AFF3: variants seen among roughly 807,000 people sequenced by gnomAD.
AFF3 encodes the protein ALF transcription elongation factor 3.
In AFF3, 32 loss-of-function variants were observed where a neutral mutation model predicts 129.7. The ratio of observed to expected loss-of-function variants is 0.25; its 90% CI spans 0.19 to 0.33. The LOEUF is 0.33. Ranked by LOEUF, AFF3 falls within the 10% of genes least tolerant of loss-of-function variation. The pLI is 1.00. For missense variants in AFF3, 1,373 were observed against 1,592.0 expected (o/e 0.86, Z 2.34); for synonymous variants, 644 against 635.4 (o/e 1.01, Z -0.20).
intron 10 of AFF3, among the ~76,000 whole-genome samples, chr2:99,730,709 T>C (rs1170800900): frequency 6.6e-6 from 1 of 151,932 alleles, no homozygotes; most frequent in African/African-American, 2.4e-5. Flanking sequence ...GAGACGAGGT[T>C]TCACCATATT....
intron 8 of AFF3, among the ~76,000 whole-genome samples, chr2:99,761,408 C>T (rs1180472090): frequency 1.3e-5 from 2 of 152,116 alleles, no homozygotes; most frequent in African/African-American, 2.4e-5. Context: ...GCAAGACTGA[C>T]GCCAGTCTCC....
At chr2:99,934,195 G>A (rs1191053695) in intron 7 of AFF3, among the ~76,000 whole-genome samples, 2 of 152,156 alleles carry the variant, frequency 1.3e-5, no homozygotes, top group African/African-American at 2.4e-5. Flanking sequence ...CCATGTGCCT[G>A]GTGGGAGTAG....
chr2:100,119,062 G>A (rs184357831), intron 2 of AFF3, among the ~76,000 whole-genome samples: 7 of 152,252 alleles, frequency 4.6e-5, no homozygotes, highest in Admixed American at 2.6e-4. Flanking sequence ...TCGGCCCCCC[G>A]AAGTGCTGGG....
At chr2:99,632,302 A>C (rs1446560577) in intron 13 of AFF3, among the ~76,000 whole-genome samples, 2 of 152,162 alleles carry the variant, frequency 1.3e-5, no homozygotes, top group African/African-American at 4.8e-5. Context: ...GAAGTGAGCC[A>C]CTGCACCTGG....
intron 4 of AFF3, among the ~76,000 whole-genome samples, chr2:100,084,919 T>C (rs1689300843): frequency 6.8e-6 from 1 of 148,000 alleles, no homozygotes; most frequent in South Asian, 2.1e-4. Context: ...GAATAGCTTA[T>C]AGATGTTAAG....
intron 13 of AFF3, among the ~76,000 whole-genome samples, chr2:99,649,230 CAA>C (rs1477008208): frequency 4.6e-5 from 7 of 152,066 alleles, no homozygotes; most frequent in African/African-American, 7.2e-5. Flanking sequence ...AGAATCTTAT[CAA>C]AAGATAGATA....
chr2:99,547,134 G>A lies in AFF3; in HGVS notation c.*4340C>T, dbSNP rs559481788. 12 of 218,414 alleles carry A rather than the reference G, an allele frequency of 5.5e-5. No individual in the cohort carries two copies. The highest frequency in any genetic ancestry group is 2.0e-4 in the East Asian group (3 of 14,762). The allele number at this position is 218,414 out of a possible 1,614,324, so 13.5% of individuals were successfully genotyped here. A position where few individuals can be genotyped will look rare whatever the true frequency, so the allele number is the denominator to read the frequency against. On this transcript the variant is annotated 3_prime_UTR_variant, in exon 25 of 25. Coordinates refer to ENST00000672756, the MANE Select transcript of AFF3 (RefSeq NM_001386135.1). ...TTATGAAACAAAAAGATTGCTTTTC[G>A]AGATTATAAACTGGGAGCCAGAACA... is the stretch of plus-strand genomic sequence containing the variant.
intron 7 of AFF3, among the ~76,000 whole-genome samples, chr2:99,965,868 T>A (rs1677692375): frequency 6.6e-6 from 1 of 152,188 alleles, no homozygotes; most frequent in East Asian, 1.9e-4. Context: ...AACCTACTAG[T>A]CATATTTCTG....
At chr2:99,807,327 A>G (rs1686431177) in intron 8 of AFF3, among the ~76,000 whole-genome samples, 1 of 152,168 alleles carries the variant, frequency 6.6e-6, no homozygotes, top group South Asian at 2.1e-4. Flanking sequence ...ATAAGATGAC[A>G]GAATCTGGAG....
chr2:99,610,169 C>T (rs534653373), intron 13 of AFF3, among the ~76,000 whole-genome samples: 21 of 152,268 alleles, frequency 1.4e-4, no homozygotes, highest in African/African-American at 3.9e-4. Flanking sequence ...TCTCTTCACA[C>T]GGACGCGCTT....
intron 8 of AFF3, among the ~76,000 whole-genome samples, chr2:99,755,790 C>A (rs976120777): frequency 6.6e-6 from 1 of 152,192 alleles, no homozygotes; most frequent in East Asian, 1.9e-4. Flanking sequence ...AATCGCCAGG[C>A]CCTATTTCTC....
chr2:100,095,377 G>C (rs1690201058), intron 4 of AFF3, among the ~76,000 whole-genome samples: 1 of 152,016 alleles, frequency 6.6e-6, no homozygotes, highest in South Asian at 2.1e-4. Context: ...ACAAGAAATG[G>C]TTAAACACAA....
rs1427861012 is a variant in AFF3, at chr2:100,107,938, AT to A, written c.-144-2356del. 8.0e-5 allele frequency among the ~76,000 whole-genome samples: 12 copies of A among 150,928 alleles called. No individual in the cohort carries two copies. The Admixed American group carries it at 8.0e-4, about 10-fold the overall frequency. On this transcript the variant is annotated intron_variant, in intron 2 of 24. Transcript: ENST00000672756. Reference sequence around the variant, plus strand: ...GAGGTCATTTTTGTAACCAAGTGGGATTTTTTTTCTCTCTTTATAATCCCAC... The same window carrying A: ...GAGGTCATTTTTGTAACCAAGTGGGATTTTTTTCTCTCTTTATAATCCCAC...
intron 8 of AFF3, among the ~76,000 whole-genome samples, chr2:99,753,360 A>G (rs1258679864): frequency 6.6e-6 from 1 of 152,174 alleles, no homozygotes; most frequent in African/African-American, 2.4e-5. Flanking sequence ...TTGGGCTCCC[A>G]AAGTGCTGGG....
chr2:100,044,656 C>T (rs537288829), intron 4 of AFF3, among the ~76,000 whole-genome samples: 3 of 151,936 alleles, frequency 2.0e-5, no homozygotes, highest in Non-Finnish European at 4.4e-5. Context: ...CAATAATGAT[C>T]GACCTGGCAC....
chr2:100,019,721 T>A (rs79274187), intron 4 of AFF3, among the ~76,000 whole-genome samples: 1 of 152,124 alleles, frequency 6.6e-6, no homozygotes, highest in Non-Finnish European at 1.5e-5. Flanking sequence ...AGAATCGGGA[T>A]GTGAGGTCAG....
At position 100,105,573 on chromosome 2, in the gene AFF3, C is replaced by G; in HGVS notation, c.-134G>C. ...GCCGCCCGTCTCCGGTCTGGAAAGG[C>G]AGGTGATCAGCTAGAAGGGTGATAA... On this transcript the variant is annotated 5_prime_UTR_variant, in exon 3 of 25. Transcript: ENST00000672756. 7.5e-7 allele frequency: 1 copy of G among 1,332,962 alleles called. No individual in the cohort carries two copies. The allele number at this position is 1,332,962 out of a possible 1,614,324, so 82.6% of individuals were successfully genotyped here. A position where few individuals can be genotyped will look rare whatever the true frequency, so the allele number is the denominator to read the frequency against.
chr2:100,106,609 G>GC (rs1363354825), intron 2 of AFF3: 94 of 988,646 alleles, frequency 9.5e-5, no homozygotes, highest in Non-Finnish European at 1.1e-4. Context: ...TGGAAGAACT[G>GC]CAAGTTCTGA....
intron 12 of AFF3, among the ~76,000 whole-genome samples, chr2:99,662,189 A>C (rs12468845): frequency 0.049 from 7,477 of 152,284 alleles, 403 homozygotes; most frequent in Admixed American, 0.15. Flanking sequence ...TGGTTAAACA[A>C]ACAAACCAAC....
Sources: allele counts gnomAD v4.1 joint callset (sites outside exome capture counted in the v4.1 genomes callset), GRCh38; gene constraint gnomAD v4.1.1; transcripts MANE v1.5; gene names NCBI Gene and HGNC (gene_info 2026-07-23, HGNC 2026-07-21).